Variants in PPP2R2B observed in about 807,000 individuals in gnomAD.
PPP2R2B encodes serine/threonine-protein phosphatase 2A 55 kDa regulatory subunit B beta isoform.
PPP2R2B carries 5 observed loss-of-function variants against 46.0 expected under a neutral mutation model. The ratio of observed to expected loss-of-function variants is 0.11; its 90% CI spans 0.06 to 0.23. PPP2R2B has a LOEUF of 0.23. Ranked by LOEUF, PPP2R2B falls within the 10% of genes least tolerant of loss-of-function variation. The pLI is 1.00. For missense variants in PPP2R2B, 367 were observed against 575.0 expected (o/e 0.64, Z 3.70); for synonymous variants, 215 against 206.7 (o/e 1.04, Z -0.34).
intron 7 of PPP2R2B, among the ~76,000 whole-genome samples, chr5:146,615,052 C>A (rs1224076753): frequency 1.1e-5 from 1 of 92,600 alleles, no homozygotes; most frequent in African/African-American, 6.7e-5. Flanking sequence ...CACATGCACA[C>A]GTATGTTTAT....
chr5:146,902,334 C>T (rs963979646), intron 1 of PPP2R2B, among the ~76,000 whole-genome samples: 4 of 152,138 alleles, frequency 2.6e-5, no homozygotes, highest in Admixed American at 2.6e-4. Flanking sequence ...CAACTACATC[C>T]TATGAACTGT....
chr5:146,605,254 C>T (rs566188330), intron 7 of PPP2R2B, among the ~76,000 whole-genome samples: 1 of 152,332 alleles, frequency 6.6e-6, no homozygotes, highest in Middle Eastern at 3.4e-3. Flanking sequence ...GTCCTACTCT[C>T]TCTCATCTGT....
At chr5:146,655,419 C>T (rs912000586) in intron 5 of PPP2R2B, among the ~76,000 whole-genome samples, 5 of 151,584 alleles carry the variant, frequency 3.3e-5, no homozygotes, top group African/African-American at 1.2e-4. Flanking sequence ...GGAGGCCTTC[C>T]GTGACCATCC....
Position 146,897,380 on chromosome 5 carries a change from A to C in PPP2R2B, c.79+158285T>G, listed in dbSNP as rs113906847. ...AATAAAAAGTTCTTCCTTTTGAAAG[A>C]AAACTAAAATGGTCTGGGGTGGACT... On this transcript the variant is annotated intron_variant, in intron 1 of 8. Coordinates refer to the PPP2R2B transcript ENST00000336640. Among the ~76,000 whole-genome samples, 402 of 152,376 alleles carry C rather than the reference A, an allele frequency of 2.6e-3. 4 individuals are homozygous for C. Among genetic ancestry groups the C allele is most frequent in the African/African-American group, 9.3e-3 (388 of 41,600 alleles).
At chr5:146,635,352 T>TG (rs934040589) in intron 7 of PPP2R2B, among the ~76,000 whole-genome samples, 8 of 152,128 alleles carry the variant, frequency 5.3e-5, no homozygotes, top group African/African-American at 1.9e-4. Flanking sequence ...GGGTTTTTTT[T>TG]TGTGTGTTTA....
At chr5:146,931,527 C>T (rs1325480814) in intron 1 of PPP2R2B, among the ~76,000 whole-genome samples, 3 of 152,138 alleles carry the variant, frequency 2.0e-5, no homozygotes, top group African/African-American at 4.8e-5. Context: ...GTTTGCTTAT[C>T]GAGATTTACT....
intron 2 of PPP2R2B, among the ~76,000 whole-genome samples, chr5:146,724,401 C>T (rs1442404294): frequency 6.6e-6 from 1 of 151,864 alleles, no homozygotes; most frequent in Non-Finnish European, 1.5e-5. Flanking sequence ...CTAAATAATA[C>T]ACAATTCCAC....
At chr5:146,742,043 G>A (rs1486206390) in intron 2 of PPP2R2B, among the ~76,000 whole-genome samples, 1 of 152,172 alleles carries the variant, frequency 6.6e-6, no homozygotes, top group African/African-American at 2.4e-5. Context: ...ATCTGTCTGT[G>A]TAATGGGCTC....
At chr5:147,053,324 T>C (rs1315621821) in intron 1 of PPP2R2B, among the ~76,000 whole-genome samples, 1 of 152,008 alleles carries the variant, frequency 6.6e-6, no homozygotes, top group South Asian at 2.1e-4. Context: ...CTAATTAGGA[T>C]GGTTCTATCC....
intron 2 of PPP2R2B, among the ~76,000 whole-genome samples, chr5:146,732,978 A>T (rs766927157): frequency 1.3e-4 from 20 of 152,166 alleles, no homozygotes; most frequent in Middle Eastern, 6.3e-3. Context: ...AATGCTATCT[A>T]TTGGCCATAA....
chr5:146,911,613 G>A (rs1763186039), intron 1 of PPP2R2B, among the ~76,000 whole-genome samples: 1 of 152,198 alleles, frequency 6.6e-6, no homozygotes, highest in Admixed American at 6.5e-5. Flanking sequence ...ATCCTAGCCA[G>A]GGACGAGGAA....
At chr5:146,934,143 T>C (rs1190939904) in intron 1 of PPP2R2B, among the ~76,000 whole-genome samples, 3 of 152,238 alleles carry the variant, frequency 2.0e-5, no homozygotes, top group Non-Finnish European at 2.9e-5. Flanking sequence ...AATAAATATA[T>C]GTGTGCATGT....
At chr5:147,031,251 T>G (rs1038270027) in intron 1 of PPP2R2B, among the ~76,000 whole-genome samples, 1 of 152,090 alleles carries the variant, frequency 6.6e-6, no homozygotes, top group Non-Finnish European at 1.5e-5. Context: ...AAAAAATCTT[T>G]ATTTTGCTTT....
At chr5:146,929,277 G>A (rs776352341) in intron 1 of PPP2R2B, among the ~76,000 whole-genome samples, 8 of 151,992 alleles carry the variant, frequency 5.3e-5, no homozygotes, top group Non-Finnish European at 8.8e-5. Context: ...TCTCTAGAAC[G>A]TAACTCAAAA....
chr5:146,753,990 C>T (rs1753701823), intron 2 of PPP2R2B, among the ~76,000 whole-genome samples: 1 of 151,964 alleles, frequency 6.6e-6, no homozygotes, highest in African/African-American at 2.4e-5. Flanking sequence ...AAAGAGGTTG[C>T]AATTATGAGC....
intron 2 of PPP2R2B, among the ~76,000 whole-genome samples, chr5:147,066,608 G>A (rs6895387): frequency 1.3e-5 from 2 of 152,068 alleles, no homozygotes; most frequent in Non-Finnish European, 1.5e-5. Flanking sequence ...TGTGCTCAGC[G>A]CTGACCATAA....
At chr5:146,811,554 T>C (rs1054019377) in intron 2 of PPP2R2B, among the ~76,000 whole-genome samples, 8 of 134,774 alleles carry the variant, frequency 5.9e-5, no homozygotes, top group Non-Finnish European at 9.3e-5. Flanking sequence ...GGATCAACTA[T>C]GTATTTTTTT....
intron 7 of PPP2R2B, among the ~76,000 whole-genome samples, chr5:146,618,533 G>A (rs1367522308): frequency 6.6e-6 from 1 of 152,202 alleles, no homozygotes; most frequent in Non-Finnish European, 1.5e-5. Flanking sequence ...TCCTCCGTTT[G>A]TCAACAAAGG....
Position 147,024,842 on chromosome 5 carries a change from TA to T in PPP2R2B, c.79+30822del, listed in dbSNP as rs749219188. On this transcript the variant is annotated intron_variant, in intron 1 of 8. Coordinates refer to the PPP2R2B transcript ENST00000336640. ...ACACTTAGAAGAAAATTTATAGCTTTAAATGCTTATGTTAGAAAATATAAGT... is the reference window on the plus strand; with the variant it reads ...ACACTTAGAAGAAAATTTATAGCTTTAATGCTTATGTTAGAAAATATAAGT... 2.6e-5 allele frequency among the ~76,000 whole-genome samples: 4 copies of T among 152,260 alleles called. No individual in the cohort carries two copies. In the South Asian group the frequency reaches 6.2e-4, roughly 24 times the overall value.
Sources: allele counts gnomAD v4.1 joint callset (sites outside exome capture counted in the v4.1 genomes callset), GRCh38; gene constraint gnomAD v4.1.1; transcripts MANE v1.5; gene names NCBI Gene and HGNC (gene_info 2026-07-23, HGNC 2026-07-21).